Variants in SLC2A13 observed in about 807,000 individuals in gnomAD.
SLC2A13 encodes proton myo-inositol cotransporter.
SLC2A13 carries 32 observed loss-of-function variants against 64.4 expected under a neutral mutation model. The observed-to-expected ratio is 0.50, with a 90% CI of 0.37 to 0.67. The LOEUF (loss-of-function observed/expected upper bound fraction) is 0.67. Ranked by LOEUF, SLC2A13 falls within the 30% of genes least tolerant of loss-of-function variation. SLC2A13 has a pLI of 0.00. For synonymous variants in SLC2A13, 338 were observed against 327.1 expected, an observed-to-expected ratio of 1.03 and a Z score of -0.36; for missense variants, 743 against 829.2, an observed-to-expected ratio of 0.90 and a Z score of 1.28.
At chr12:39,832,234 C>CCG (rs1942873594) in intron 6 of SLC2A13, among the ~76,000 whole-genome samples, 1 of 152,018 alleles carries the variant, frequency 6.6e-6, no homozygotes, top group Non-Finnish European at 1.5e-5. Flanking sequence ...CCAGACTAGG[C>CCG]TAATTTGGAA....
chr12:39,937,518 C>T (rs977501137), intron 4 of SLC2A13, among the ~76,000 whole-genome samples: 1 of 152,144 alleles, frequency 6.6e-6, no homozygotes, highest in Non-Finnish European at 1.5e-5. Flanking sequence ...GGACTTCATG[C>T]TATTTCAACT....
intron 3 of SLC2A13, among the ~76,000 whole-genome samples, chr12:40,001,651 T>C (rs1443127957): frequency 6.6e-6 from 1 of 152,204 alleles, no homozygotes; most frequent in African/African-American, 2.4e-5. Context: ...CAGCACTCTT[T>C]ATTCTTGGGA....
chr12:39,926,261 A>C (rs1219293980), intron 4 of SLC2A13, among the ~76,000 whole-genome samples: 1 of 152,172 alleles, frequency 6.6e-6, no homozygotes, highest in Non-Finnish European at 1.5e-5. Context: ...GACTAATATT[A>C]AGACTTAGAA....
intron 3 of SLC2A13, among the ~76,000 whole-genome samples, chr12:39,983,920 G>T (rs1322864647): frequency 3.4e-5 from 5 of 148,134 alleles, no homozygotes; most frequent in African/African-American, 5.0e-5. Flanking sequence ...CAAAGACTTG[G>T]AACCAACCCA....
intron 7 of SLC2A13, among the ~76,000 whole-genome samples, chr12:39,818,479 C>T (rs1038485673): frequency 6.6e-6 from 1 of 152,112 alleles, no homozygotes; most frequent in African/African-American, 2.4e-5. Flanking sequence ...AGATGATGCT[C>T]TGAGTAATTA....
chr12:39,996,522 T>C (rs1265971605), intron 3 of SLC2A13, among the ~76,000 whole-genome samples: 1 of 152,050 alleles, frequency 6.6e-6, no homozygotes, highest in African/African-American at 2.4e-5. Context: ...ATGTCAGAGG[T>C]CTTCACAGCA....
At chr12:39,950,799 C>T (rs1290532616) in intron 4 of SLC2A13, 3 of 156,372 alleles carry the variant, frequency 1.9e-5, no homozygotes, top group African/African-American at 7.2e-5. Context: ...CTCTACCATA[C>T]TCTGGTTATA....
intron 7 of SLC2A13, among the ~76,000 whole-genome samples, chr12:39,792,740 T>C (rs1267099246): frequency 6.6e-6 from 1 of 152,134 alleles, no homozygotes; most frequent in Non-Finnish European, 1.5e-5. Flanking sequence ...GTACTGTATT[T>C]TTTTATTCCT....
At chr12:40,095,268 A>G (rs1463116357) in intron 1 of SLC2A13, among the ~76,000 whole-genome samples, 1 of 152,224 alleles carries the variant, frequency 6.6e-6, no homozygotes, top group African/African-American at 2.4e-5. Flanking sequence ...GTGTTTTGTT[A>G]TGTGTGTGTC....
intron 7 of SLC2A13, among the ~76,000 whole-genome samples, chr12:39,782,941 T>C (rs1941048678): frequency 6.6e-6 from 1 of 152,308 alleles, no homozygotes; most frequent in African/African-American, 2.4e-5. Flanking sequence ...TATGTATGTA[T>C]ACATGTGCCA....
chr12:39,870,559 G>T (rs1459621943), intron 5 of SLC2A13, among the ~76,000 whole-genome samples: 1 of 152,060 alleles, frequency 6.6e-6, no homozygotes, highest in Non-Finnish European at 1.5e-5. Context: ...CTGTTCTCCA[G>T]GCTATATACC....
intron 4 of SLC2A13, among the ~76,000 whole-genome samples, chr12:39,929,311 G>T (rs1273125027): frequency 6.6e-6 from 1 of 152,148 alleles, no homozygotes; most frequent in African/African-American, 2.4e-5. Context: ...CCAGCACTTT[G>T]GGAGGCTGAG....
intron 1 of SLC2A13, among the ~76,000 whole-genome samples, chr12:40,082,032 T>C (rs11175100): frequency 0.015 from 2,358 of 152,250 alleles, 23 homozygotes; most frequent in Non-Finnish European, 0.023. Context: ...CTCTGGCCCC[T>C]TGAGGTTAAG....
chr12:40,053,507 G>C (rs1305496785), intron 1 of SLC2A13, among the ~76,000 whole-genome samples: 1 of 151,920 alleles, frequency 6.6e-6, no homozygotes, highest in Non-Finnish European at 1.5e-5. Flanking sequence ...GTGATCCTTT[G>C]GAAATGTCTT....
intron 2 of SLC2A13, among the ~76,000 whole-genome samples, chr12:40,032,044 A>C (rs1044599788): frequency 3.3e-5 from 5 of 152,182 alleles, no homozygotes; most frequent in Non-Finnish European, 7.3e-5. Flanking sequence ...GCTTCACATT[A>C]GAATCACCTA....
At chr12:40,019,644 G>C (rs746279920) in intron 3 of SLC2A13, among the ~76,000 whole-genome samples, 2 of 152,172 alleles carry the variant, frequency 1.3e-5, no homozygotes, top group Non-Finnish European at 2.9e-5. Context: ...TGGGCATTCA[G>C]GAAAAAGAAA....
intron 4 of SLC2A13, among the ~76,000 whole-genome samples, chr12:39,911,167 T>C (rs1945421812): frequency 6.6e-6 from 1 of 152,104 alleles, no homozygotes; most frequent in African/African-American, 2.4e-5. Flanking sequence ...TGCACTCTAA[T>C]ATGTGTTCCT....
Position 39,759,668 on chromosome 12 carries a change from C to T in SLC2A13, c.*358G>A, listed in dbSNP as rs187199278. 5.2e-5 allele frequency: 10 copies of T among 193,644 alleles called. No individual in the cohort carries two copies. Among genetic ancestry groups the T allele is most frequent in the Middle Eastern group, 2.4e-3 (1 of 422 alleles). The allele number at this position is 193,644 out of a possible 1,614,324, so 12.0% of individuals were successfully genotyped here. A position where few individuals can be genotyped will look rare whatever the true frequency, so the allele number is the denominator to read the frequency against. On this transcript the variant is annotated 3_prime_UTR_variant, in exon 10 of 10. Transcript: ENST00000280871. ...AATATATTATACATATGTAATTTGG[C>T]TAGATTAGCACTGACTCTGTTGCCA... is the stretch of plus-strand genomic sequence containing the variant.
At chr12:39,762,992 CTT>C (rs1462528576) in intron 9 of SLC2A13, among the ~76,000 whole-genome samples, 2 of 151,988 alleles carry the variant, frequency 1.3e-5, no homozygotes, top group Non-Finnish European at 2.9e-5. Context: ...ATCATGTAAA[CTT>C]TTATTATTTG....
Sources: allele counts gnomAD v4.1 joint callset (sites outside exome capture counted in the v4.1 genomes callset), GRCh38; gene constraint gnomAD v4.1.1; transcripts MANE v1.5; gene names NCBI Gene and HGNC (gene_info 2026-07-23, HGNC 2026-07-21).